Variants in DBT observed in about 807,000 individuals in gnomAD.
DBT encodes dihydrolipoamide branched chain transacylase E2, also known as lipoamide acyltransferase component of branched-chain alpha-keto acid dehydrogenase complex, mitochondrial.
In DBT, 40 loss-of-function variants were observed where a neutral mutation model predicts 51.3. That is an observed-to-expected ratio of 0.78 (90% CI 0.61 to 1.02). DBT has a LOEUF of 1.02. DBT is among the 50% of genes least tolerant of loss of function. The pLI is 0.00. For missense variants in DBT, 510 were observed against 580.2 expected (o/e 0.88, Z 1.24); for synonymous variants, 181 against 190.4 (o/e 0.95, Z 0.41).
In DBT at chr1:100,190,291, A is replaced by G. The variant is rs1312546229; in HGVS notation, c.*5964T>C. On this transcript the variant is annotated 3_prime_UTR_variant, in exon 11 of 11. Coordinates refer to ENST00000370132, the MANE Select transcript of DBT (RefSeq NM_001918.5). ...CTTGAAGGGTGCATGTTGGAGGGGA[A>G]GAGATAGAATATGAAGAATCTCTTG... The G allele has an allele frequency of 6.6e-6, 1 of 152,178 alleles. No individual in the cohort carries two copies. The highest frequency in any genetic ancestry group is 1.5e-5 in the Non-Finnish European group (1 of 68,036). The allele number at this position is 152,178 out of a possible 1,614,324, so 9.4% of individuals were successfully genotyped here. A position where few individuals can be genotyped will look rare whatever the true frequency, so the allele number is the denominator to read the frequency against.
chr1:100,246,656 G>A (rs191029873), intron 1 of DBT, among the ~76,000 whole-genome samples: 3 of 152,180 alleles, frequency 2.0e-5, no homozygotes, highest in East Asian at 1.9e-4. Context: ...TTACAAACCT[G>A]ACTTTTTTTT....
intron 4 of DBT, among the ~76,000 whole-genome samples, chr1:100,227,411 T>C (rs201874887): frequency 1.1e-4 from 1 of 9,398 alleles, no homozygotes; most frequent in African/African-American, 1.4e-4. Flanking sequence ...AGCATACAGA[T>C]AGCCCCAATA....
Position 100,240,786 on chromosome 1 carries a change from T to G in DBT, c.150A>C (p.Pro50=). 1 of 1,606,172 alleles carries G rather than the reference T, an allele frequency of 6.2e-7. No homozygotes were observed. Among genetic ancestry groups the G allele is most frequent in the Non-Finnish European group, 8.5e-7 (1 of 1,173,606 alleles). ...FGYPSFKYSH[P]HHFLKTTAAL... is the part of the protein sequence containing the mutation. Reference sequence around the variant, plus strand: ...CAGCAGTTGTTTTCAGGAAGTGATGTGGATGACTATACTTGAATGAAGGAT... The same window carrying G: ...CAGCAGTTGTTTTCAGGAAGTGATGGGGATGACTATACTTGAATGAAGGAT... The change falls in exon 2 of 11, where the codon CCA becomes CCC. Residue 50 remains proline (P), a synonymous_variant. Coordinates refer to ENST00000370132, the MANE Select transcript of DBT (RefSeq NM_001918.5).
intron 6 of DBT, 122 bp from the exon 7 acceptor site, chr1:100,215,105 C>T (rs1411592581): frequency 1.1e-5 from 8 of 697,432 alleles, no homozygotes; most frequent in Non-Finnish European, 1.2e-5. Context: ...CAGTTAAACC[C>T]TTCCTCTTAC....
At chr1:100,227,966 C>T (rs1037430324) in intron 4 of DBT, among the ~76,000 whole-genome samples, 13 of 152,252 alleles carry the variant, frequency 8.5e-5, no homozygotes, top group Admixed American at 8.5e-4. Flanking sequence ...CTGTCTCAGC[C>T]TCCCGAGTAG....
At chr1:100,213,516 T>C in intron 7 of DBT, 1 of 1,547,964 alleles carries the variant, frequency 6.5e-7, no homozygotes, top group Non-Finnish European at 8.9e-7. Context: ...ATCGTGGTCG[T>C]GGGAGGCTGT....
chr1:100,199,193 G>A (rs571376458), intron 10 of DBT, among the ~76,000 whole-genome samples: 2 of 152,082 alleles, frequency 1.3e-5, no homozygotes, highest in African/African-American at 4.8e-5. Flanking sequence ...CTAAGTCAGT[G>A]TCTTCTAAAC....
chr1:100,218,530 T>C lies in DBT; in HGVS notation c.555+96A>G, dbSNP rs149618173. ...ATATCTTCATGTTTCCTTAATTTCA[T>C]TGAGCTATTTCATCATGGGATAGTT... is the stretch of plus-strand genomic sequence containing the variant. On this transcript the variant is annotated intron_variant, in intron 5 of 10. Coordinates refer to ENST00000370132, the MANE Select transcript of DBT (RefSeq NM_001918.5). The C allele has an allele frequency of 1.2e-3, 1,632 of 1,330,388 alleles. 24 individuals carry two copies. In the African/African-American group the frequency reaches 0.02, roughly 16 times the overall value. 82.4% of individuals were successfully genotyped at this position (1,330,388 alleles called of 1,614,324 possible). A position where few individuals can be genotyped will look rare whatever the true frequency, so the allele number is the denominator to read the frequency against.
chr1:100,213,278 C>T (rs980365627), intron 7 of DBT: 50 of 1,366,424 alleles, frequency 3.7e-5, no homozygotes, highest in Non-Finnish European at 4.5e-5. Flanking sequence ...GCCGACAGAG[C>T]CGAGCCGGGC....
chr1:100,197,412 G>C (rs1045025983), intron 10 of DBT, among the ~76,000 whole-genome samples: 3 of 152,184 alleles, frequency 2.0e-5, no homozygotes, highest in Non-Finnish European at 2.9e-5. Context: ...CTGATGGTGG[G>C]GGGCAGTGAG....
At chr1:100,212,379 TA>T (rs112683701) in intron 7 of DBT, among the ~76,000 whole-genome samples, 205 of 150,534 alleles carry the variant, frequency 1.4e-3, no homozygotes, top group African/African-American at 4.7e-3. Context: ...CTACTAAGAA[TA>T]AAAAAAAATT....
chr1:100,245,547 G>A (rs1199137068), intron 1 of DBT, among the ~76,000 whole-genome samples: 1 of 152,156 alleles, frequency 6.6e-6, no homozygotes, highest in East Asian at 1.9e-4. Context: ...GTGATTCAAG[G>A]CAATTATTAA....
At chr1:100,240,017 T>C (rs1481063588) in intron 2 of DBT, among the ~76,000 whole-genome samples, 5 of 152,176 alleles carry the variant, frequency 3.3e-5, no homozygotes, top group Admixed American at 2.6e-4. Flanking sequence ...ATCAGGGTTC[T>C]AAATAGAACA....
chr1:100,240,633 G>T, intron 2 of DBT, 128 bp downstream of exon 2: 1 of 766,508 alleles, frequency 1.3e-6, no homozygotes, highest in Non-Finnish European at 2.3e-6. Context: ...GGGGAGATGG[G>T]AAGGGCCCGG....
At position 100,216,040 on chromosome 1, in the gene DBT, T is replaced by G. The variant is rs72973763; in HGVS notation, c.715A>C (p.Ile239Leu). 6.2e-7 allele frequency: 1 copy of G among 1,613,638 alleles called. No individual in the cohort carries two copies. The highest frequency in any genetic ancestry group is 1.7e-5 in the Admixed American group (1 of 60,014). Residue 239 changes from isoleucine (I) to leucine (L), a missense_variant, in exon 6 of 11, where the codon ATA becomes CTA. Ile to Leu is a conservative substitution (Grantham distance 5). Coordinates refer to ENST00000370132, the MANE Select transcript of DBT (RefSeq NM_001918.5). ...PPKPKDMTVP[I>L]LVSKPPVFTG... ...AATACCGGAGGTTTTGATACTAGTA[T>G]AGGAACAGTCATGTCTTTTGGCTTT...
At chr1:100,246,605 G>A (rs1046278029) in intron 1 of DBT, among the ~76,000 whole-genome samples, 3 of 152,208 alleles carry the variant, frequency 2.0e-5, no homozygotes, top group East Asian at 1.9e-4. Flanking sequence ...AATTTACTAC[G>A]GGGGTAAGAA....
chr1:100,203,237 A>C (rs1316285628), intron 10 of DBT, among the ~76,000 whole-genome samples: 1 of 152,204 alleles, frequency 6.6e-6, no homozygotes, highest in Non-Finnish European at 1.5e-5. Context: ...AGAAGAATCA[A>C]ATAGACACAA....
At chr1:100,249,075 G>T (rs1032599225) in intron 1 of DBT, 7 of 987,712 alleles carry the variant, frequency 7.1e-6, no homozygotes, top group Non-Finnish European at 8.4e-6. Context: ...GGGTCACCAA[G>T]GCAGGAGCAT....
chr1:100,220,711 C>T (rs868586692), intron 4 of DBT, among the ~76,000 whole-genome samples: 1 of 152,186 alleles, frequency 6.6e-6, no homozygotes, highest in Non-Finnish European at 1.5e-5. Flanking sequence ...TTTGACTGAA[C>T]AGATTGGCTC....
Sources: allele counts gnomAD v4.1 joint callset (sites outside exome capture counted in the v4.1 genomes callset), GRCh38; gene constraint gnomAD v4.1.1; transcripts MANE v1.5; gene names NCBI Gene and HGNC (gene_info 2026-07-23, HGNC 2026-07-21).